Variants in UMAD1 observed in about 807,000 individuals in gnomAD.
UMAD1 encodes the protein UBAP1-MVB12-associated (UMA) domain containing 1, also known as UBAP1-MVB12-associated (UMA)-domain containing protein 1.
In UMAD1, 8 loss-of-function variants were observed where a neutral mutation model predicts 6.1. That is an observed-to-expected ratio of 1.30 (90% CI 0.76 to 2.35). The LOEUF (loss-of-function observed/expected upper bound fraction) is 2.35, where lower values mean the gene tolerates loss of function less well. Ranked by LOEUF, UMAD1 falls within the 30% of genes most tolerant of loss-of-function variation. The probability of loss-of-function intolerance (pLI) is 0.00; values close to 1 mark genes in which losing one functional copy is unlikely to be tolerated. For missense variants in UMAD1, 130 were observed against 78.4 expected (o/e 1.66, Z -2.49); for synonymous variants, 56 against 31.4 (o/e 1.78, Z -2.61).
intron 2 of UMAD1, among the ~76,000 whole-genome samples, chr7:7,762,069 A>C (rs1279821361): frequency 6.6e-6 from 1 of 152,202 alleles, no homozygotes; most frequent in African/African-American, 2.4e-5. Flanking sequence ...AGAATTCAGA[A>C]AGTAGAAACC....
intron 2 of UMAD1, among the ~76,000 whole-genome samples, chr7:7,782,638 C>T (rs970239716): frequency 1.2e-4 from 18 of 151,732 alleles, no homozygotes; most frequent in African/African-American, 4.1e-4. Flanking sequence ...CAAATGTAAT[C>T]AGAAAATAAT....
In UMAD1 at chr7:7,642,315, T is replaced by G. The variant is rs78977840; in HGVS notation, c.-64+1494T>G. On this transcript the variant is annotated intron_variant, in intron 1 of 3. Coordinates refer to ENST00000682710, the MANE Select transcript of UMAD1 (RefSeq NM_001302348.2). ...ACACCCAGCTAATAAAGATTTTTTT[T>G]TTGTTGTTTGTTTTTTTTTGTTCAG... 3.6e-3 allele frequency among the ~76,000 whole-genome samples: 548 copies of G among 151,788 alleles called. 2 individuals are homozygous for G. Among genetic ancestry groups the G allele is most frequent in the Non-Finnish European group, 5.4e-3 (366 of 67,906 alleles).
At chr7:7,659,291 T>C (rs1270771118) in intron 1 of UMAD1, among the ~76,000 whole-genome samples, 1 of 152,086 alleles carries the variant, frequency 6.6e-6, no homozygotes, top group African/African-American at 2.4e-5. Flanking sequence ...GGGTTTTTCA[T>C]GTCTCTATCT....
At chr7:7,642,887 T>C (rs1027580874) in intron 1 of UMAD1, among the ~76,000 whole-genome samples, 1 of 152,224 alleles carries the variant, frequency 6.6e-6, no homozygotes, top group African/African-American at 2.4e-5. Context: ...ATGCAGGCGT[T>C]GCTAAATGGT....
chr7:7,785,447 G>A (rs1485097347), intron 2 of UMAD1, among the ~76,000 whole-genome samples: 4 of 152,094 alleles, frequency 2.6e-5, no homozygotes, highest in Admixed American at 6.5e-5. Flanking sequence ...GGATGAGAGA[G>A]TTAGTCAGGG....
intron 2 of UMAD1, among the ~76,000 whole-genome samples, chr7:7,677,534 A>C (rs1398820123): frequency 1.3e-5 from 2 of 152,042 alleles, no homozygotes; most frequent in African/African-American, 4.8e-5. Context: ...GCTTTATTTC[A>C]CTTTACATGA....
intron 2 of UMAD1, among the ~76,000 whole-genome samples, chr7:7,763,189 T>A (rs1781924162): frequency 6.6e-6 from 1 of 152,228 alleles, no homozygotes; most frequent in Non-Finnish European, 1.5e-5. Flanking sequence ...TAATTGATAT[T>A]TAATTGAAGT....
At chr7:7,832,565 C>T (rs1783487297) in intron 3 of UMAD1, among the ~76,000 whole-genome samples, 1 of 152,136 alleles carries the variant, frequency 6.6e-6, no homozygotes, top group African/African-American at 2.4e-5. Context: ...CCACTAATCT[C>T]CTAAGTGAAA....
intron 1 of UMAD1, among the ~76,000 whole-genome samples, chr7:7,652,272 T>C (rs538481689): frequency 1.3e-5 from 2 of 152,342 alleles, no homozygotes; most frequent in South Asian, 4.1e-4. Flanking sequence ...AGTATACTCT[T>C]GGTCGATTGT....
intron 3 of UMAD1, among the ~76,000 whole-genome samples, chr7:7,873,813 A>C (rs1271921444): frequency 6.6e-6 from 1 of 152,146 alleles, no homozygotes; most frequent in Non-Finnish European, 1.5e-5. Context: ...AACTTGAAAA[A>C]CAAAAATCAA....
chr7:7,841,957 C>A (rs1174455336), intron 3 of UMAD1, among the ~76,000 whole-genome samples: 1 of 152,176 alleles, frequency 6.6e-6, no homozygotes, highest in African/African-American at 2.4e-5. Flanking sequence ...ATGCCATACA[C>A]TTTTCTCCAT....
chr7:7,782,491 A>T (rs1441135778), intron 2 of UMAD1, among the ~76,000 whole-genome samples: 6 of 152,104 alleles, frequency 3.9e-5, no homozygotes, highest in Admixed American at 2.6e-4. Flanking sequence ...TATTGCATAG[A>T]TAATAAAATA....
intron 2 of UMAD1, among the ~76,000 whole-genome samples, chr7:7,789,476 G>C (rs749315504): frequency 3.3e-5 from 5 of 152,044 alleles, no homozygotes; most frequent in Admixed American, 6.5e-5. Context: ...TTAATTACTA[G>C]TAATAAAACC....
At chr7:7,824,193 C>T (rs1196554306) in intron 3 of UMAD1, among the ~76,000 whole-genome samples, 1 of 152,114 alleles carries the variant, frequency 6.6e-6, no homozygotes, top group African/African-American at 2.4e-5. Context: ...ATTACTAAGG[C>T]TTCCCAGGTG....
At chr7:7,833,142 G>T (rs1783496370) in intron 3 of UMAD1, among the ~76,000 whole-genome samples, 1 of 152,184 alleles carries the variant, frequency 6.6e-6, no homozygotes, top group African/African-American at 2.4e-5. Context: ...TAATTCAGCT[G>T]ACACTGTGGA....
intron 3 of UMAD1, among the ~76,000 whole-genome samples, chr7:7,851,111 A>G (rs1043855027): frequency 2.6e-5 from 4 of 152,180 alleles, no homozygotes; most frequent in African/African-American, 9.7e-5. Flanking sequence ...TGTCTCTTAT[A>G]GATTTACCTA....
intron 2 of UMAD1, among the ~76,000 whole-genome samples, chr7:7,673,772 T>G (rs977082364): frequency 2.0e-5 from 3 of 152,116 alleles, no homozygotes; most frequent in African/African-American, 7.2e-5. Context: ...ATTCAAGTTC[T>G]GTCTTATAAA....
chr7:7,805,086 C>T (rs1422079753), intron 3 of UMAD1, among the ~76,000 whole-genome samples: 1 of 152,140 alleles, frequency 6.6e-6, no homozygotes, highest in Non-Finnish European at 1.5e-5. Context: ...TGAGTCTTAT[C>T]CAGCCTCCTC....
intron 2 of UMAD1, among the ~76,000 whole-genome samples, chr7:7,770,337 T>A (rs1259111257): frequency 6.6e-6 from 1 of 152,194 alleles, no homozygotes; most frequent in East Asian, 1.9e-4. Flanking sequence ...CCTAATGCTC[T>A]GGGACCTTGC....
Sources: allele counts gnomAD v4.1 joint callset (sites outside exome capture counted in the v4.1 genomes callset), GRCh38; gene constraint gnomAD v4.1.1; transcripts MANE v1.5; gene names NCBI Gene and HGNC (gene_info 2026-07-23, HGNC 2026-07-21).